The following ST3GAL4 variants were observed in gnomAD, a reference collection of about 807,000 sequenced individuals.
ST3GAL4 encodes the protein CMP-N-acetylneuraminate-beta-galactosamide-alpha-2,3-sialyltransferase 4.
A neutral mutation model predicts 42.6 loss-of-function variants in ST3GAL4; 24 were observed. That is an observed-to-expected ratio of 0.56 (90% CI 0.41 to 0.79). The LOEUF is 0.79. ST3GAL4 is among the 30% of genes least tolerant of loss of function. ST3GAL4 has a pLI of 0.00. For missense variants in ST3GAL4, 311 were observed against 430.8 expected, an observed-to-expected ratio of 0.72 and a Z score of 2.46; for synonymous variants, 135 against 163.2, an observed-to-expected ratio of 0.83 and a Z score of 1.32.
intron 8 of ST3GAL4, chr11:126,408,771 G>A (rs970945033): frequency 1.4e-5 from 7 of 513,626 alleles, no homozygotes; most frequent in Non-Finnish European, 2.1e-5. Context: ...AAAGCTTTCC[G>A]AGTAGGTGTT....
rs368788710 is a variant in ST3GAL4, at chr11:126,380,055, A to T, written c.-61+24213A>T. Among the ~76,000 whole-genome samples, 13 of 151,842 alleles carry T rather than the reference A, an allele frequency of 8.6e-5. No homozygotes were observed. In the East Asian group the frequency reaches 2.1e-3, roughly 25 times the overall value. ...GGCGGGCGGATCACCTGAGGTCAGG[A>T]GTTTGAGACCATCCTGGCCAACATG... is the stretch of plus-strand genomic sequence containing the variant. On this transcript the variant is annotated intron_variant, in intron 1 of 10. Transcript: ENST00000444328.
chr11:126,407,218 T>C, intron 4 of ST3GAL4, 34 bp from the exon 5 acceptor site: 1 of 1,608,012 alleles, frequency 6.2e-7, no homozygotes, highest in Non-Finnish European at 8.5e-7. Context: ...ATTAATTCTG[T>C]TCTCATCCCC....
chr11:126,372,347 G>T (rs1362482889), intron 1 of ST3GAL4, among the ~76,000 whole-genome samples: 1 of 151,968 alleles, frequency 6.6e-6, no homozygotes, highest in East Asian at 1.9e-4. Flanking sequence ...ATTTCACTTT[G>T]CATAGTGTCT....
chr11:126,365,615 C>G (rs35156054), intron 1 of ST3GAL4, among the ~76,000 whole-genome samples: 24,177 of 152,168 alleles, frequency 0.16, 2,073 homozygotes, highest in Non-Finnish European at 0.21. Context: ...CCTGACAGGC[C>G]GGTATCTGTC....
chr11:126,357,729 T>G (rs370551510), intron 1 of ST3GAL4, among the ~76,000 whole-genome samples: 1 of 152,234 alleles, frequency 6.6e-6, no homozygotes, highest in African/African-American at 2.4e-5. Context: ...TCTTGAGCTG[T>G]CATTCTGTCC....
rs978608018 is a variant in ST3GAL4, at chr11:126,396,718, C to T, written c.-60-9378C>T. ...GTCTGCACGGGATGGTTTTAGAAGCCGTAGGATGTGGAGGTTCTGGCTGAA... is the reference window on the plus strand; with the variant it reads ...GTCTGCACGGGATGGTTTTAGAAGCTGTAGGATGTGGAGGTTCTGGCTGAA... On this transcript the variant is annotated intron_variant, in intron 1 of 10. Transcript: ENST00000444328. The surrounding 1 kb of genome is among the most constrained non-coding windows in gnomAD (Gnocchi z 5.8). 9.3e-5 allele frequency among the ~76,000 whole-genome samples: 14 copies of T among 150,156 alleles called. No individual in the cohort carries two copies. The highest frequency in any genetic ancestry group is 1.3e-4 in the Admixed American group (2 of 14,976).
chr11:126,358,545 A>AG (rs1460692848), intron 1 of ST3GAL4: 12 of 447,052 alleles, frequency 2.7e-5, no homozygotes, highest in Non-Finnish European at 5.4e-5. Flanking sequence ...CTACAGACTG[A>AG]GGAAGTGGTC....
At chr11:126,385,738 G>A (rs951695401) in intron 1 of ST3GAL4, among the ~76,000 whole-genome samples, 31 of 152,066 alleles carry the variant, frequency 2.0e-4, no homozygotes, top group African/African-American at 6.5e-4. Flanking sequence ...AGGACAGGGC[G>A]TGGTGGCTCA....
At chr11:126,390,098 G>C (rs1042715254) in intron 1 of ST3GAL4, among the ~76,000 whole-genome samples, 10 of 32,678 alleles carry the variant, frequency 3.1e-4, no homozygotes, top group African/African-American at 1.1e-3. Context: ...CAGGAGAATA[G>C]CGTGAACCCG....
Position 126,392,386 on chromosome 11 carries a change from C to T in ST3GAL4, c.-60-13710C>T. ...GGTTAAGATCAGTCGGACATGACAA[C>T]CTCCAGTTCTGCAGAAGCCACTTCA... On this transcript the variant is annotated intron_variant, in intron 1 of 10. Coordinates refer to ENST00000444328, the MANE Select transcript of ST3GAL4 (RefSeq NM_001254757.2). The surrounding 1 kb of genome is among the most constrained non-coding windows in gnomAD (Gnocchi z 5.8). 2 of 985,724 alleles carry T rather than the reference C, an allele frequency of 2.0e-6. No individual in the cohort carries two copies. The highest frequency in any genetic ancestry group is 9.4e-5 in the South Asian group (2 of 21,280). 61.1% of individuals were successfully genotyped at this position (985,724 alleles called of 1,614,324 possible).
At chr11:126,375,795 A>G (rs1183623889) in intron 1 of ST3GAL4, among the ~76,000 whole-genome samples, 1 of 147,740 alleles carries the variant, frequency 6.8e-6, no homozygotes, top group Non-Finnish European at 1.5e-5. Context: ...CACAGGACAG[A>G]CCCCGCAACA....
At position 126,401,156 on chromosome 11, in the gene ST3GAL4, G is replaced by A. The variant is rs551100476; in HGVS notation, c.-60-4940G>A. The stretch of plus-strand genomic sequence containing the variant: ...AAGAGAAATTAGTGCTGAAAATAAA[G>A]AGCTCGAATCATCAGTGTATGAATA... On this transcript the variant is annotated intron_variant, in intron 1 of 10. Transcript: ENST00000444328. Among the ~76,000 whole-genome samples the A allele has an allele frequency of 4.6e-5, 7 of 152,206 alleles. No homozygotes were observed. In the South Asian group the frequency reaches 1.5e-3, roughly 32 times the overall value.
intron 1 of ST3GAL4, among the ~76,000 whole-genome samples, chr11:126,401,319 G>A (rs1953980621): frequency 6.6e-6 from 1 of 151,670 alleles, no homozygotes; most frequent in Admixed American, 6.6e-5. Context: ...TGTAATCCCA[G>A]CACTTTGGGA....
intron 1 of ST3GAL4, among the ~76,000 whole-genome samples, chr11:126,377,920 A>G (rs1301147159): frequency 6.6e-6 from 1 of 152,198 alleles, no homozygotes; most frequent in African/African-American, 2.4e-5. Flanking sequence ...TGTCAATTAA[A>G]CTTTTTCAGA....
chr11:126,383,588 G>A lies in ST3GAL4; in HGVS notation c.-60-22508G>A, dbSNP rs1953095543. Among the ~76,000 whole-genome samples, 1 of 152,078 alleles carries A rather than the reference G, an allele frequency of 6.6e-6. No homozygotes were observed. Among genetic ancestry groups the A allele is most frequent in the African/African-American group, 2.4e-5 (1 of 41,422 alleles). On this transcript the variant is annotated intron_variant, in intron 1 of 10. Transcript: ENST00000444328. The surrounding 1 kb of genome is among the most constrained non-coding windows in gnomAD (Gnocchi z 4.5). Reference sequence around the variant, plus strand: ...ACTGAGAAGTGGGTGTATTTGGGCAGGTGTGTGTGTGTGACCAAGCTTGCG... The same window carrying A: ...ACTGAGAAGTGGGTGTATTTGGGCAAGTGTGTGTGTGTGACCAAGCTTGCG...
chr11:126,365,777 C>T (rs1196492102), intron 1 of ST3GAL4, among the ~76,000 whole-genome samples: 1 of 152,186 alleles, frequency 6.6e-6, no homozygotes, highest in East Asian at 1.9e-4. Flanking sequence ...GCTGAGAGGA[C>T]AGTCCCTGTC....
chr11:126,374,550 G>A (rs1240539314), intron 1 of ST3GAL4, among the ~76,000 whole-genome samples: 2 of 151,762 alleles, frequency 1.3e-5, no homozygotes, highest in African/African-American at 4.8e-5. Context: ...TTGACTGAGT[G>A]AACGAAAGTA....
At chr11:126,358,205 G>T (rs888866231) in intron 1 of ST3GAL4, among the ~76,000 whole-genome samples, 4 of 152,236 alleles carry the variant, frequency 2.6e-5, no homozygotes, top group African/African-American at 9.6e-5. Context: ...CAGTTCAGTC[G>T]CACTGGGCCG....
intron 9 of ST3GAL4, among the ~76,000 whole-genome samples, chr11:126,412,157 A>T (rs2078015530): frequency 6.6e-6 from 1 of 151,876 alleles, no homozygotes; most frequent in South Asian, 2.1e-4. Context: ...GAAGAGGAGG[A>T]ATTTGGTGAG....
Sources: gnomAD v4.1 joint callset for allele counts (sites outside exome capture counted in the v4.1 genomes callset) on GRCh38, gnomAD v4.1.1 for gene constraint, Gnocchi (gnomAD v3.1) non-coding constraint, MANE v1.5 for transcripts, NCBI Gene and HGNC (gene_info 2026-07-23, HGNC 2026-07-21) for gene names.